ARB2A: variants seen among roughly 807,000 people sequenced by gnomAD.
ARB2A encodes the protein ARB2 cotranscriptional regulator A, also known as cotranscriptional regulator ARB2A.
chr5:93,774,592 T>A, the ARB2A span, among the ~76,000 whole-genome samples: 3 of 152,216 alleles, frequency 2.0e-5, no homozygotes, highest in Admixed American at 6.5e-5. Flanking sequence ...TATAGACTAT[T>A]TAGTGCCACA....
chr5:94,027,093 A>AT, the ARB2A span, among the ~76,000 whole-genome samples: 2 of 152,176 alleles, frequency 1.3e-5, no homozygotes, highest in East Asian at 1.9e-4. Flanking sequence ...GCATCAGCTT[A>AT]TTTGCACTGG....
the ARB2A span, among the ~76,000 whole-genome samples, chr5:94,025,101 T>C: frequency 2.6e-5 from 4 of 152,214 alleles, no homozygotes; most frequent in Non-Finnish European, 5.9e-5. Context: ...GTGTTAAGGT[T>C]CAGAAAGATA....
the ARB2A span, among the ~76,000 whole-genome samples, chr5:93,828,847 G>T: frequency 6.6e-6 from 1 of 152,066 alleles, no homozygotes; most frequent in Non-Finnish European, 1.5e-5. Context: ...CGCAATCTTG[G>T]CTCACTGCAA....
At chr5:93,627,438 G>GTTTGTTT in the ARB2A span, among the ~76,000 whole-genome samples, 1 of 108,076 alleles carries the variant, frequency 9.3e-6, no homozygotes, top group African/African-American at 4.0e-5. Flanking sequence ...TACAAAATGT[G>GTTTGTTT]TTTTGTTTTT....
the ARB2A span, among the ~76,000 whole-genome samples, chr5:93,843,410 A>C: frequency 6.6e-6 from 1 of 151,042 alleles, no homozygotes; most frequent in East Asian, 1.9e-4. Context: ...AAAGTAGAAC[A>C]AGGATACTTT....
At chr5:93,641,980 G>GTTTA in the ARB2A span, among the ~76,000 whole-genome samples, 6 of 152,010 alleles carry the variant, frequency 3.9e-5, no homozygotes, top group South Asian at 2.1e-4. Context: ...ATTGATGATT[G>GTTTA]TTTATTTATT....
At chr5:93,896,086 T>C in the ARB2A span, among the ~76,000 whole-genome samples, 1 of 152,078 alleles carries the variant, frequency 6.6e-6, no homozygotes, top group South Asian at 2.1e-4. Flanking sequence ...AATATATCAA[T>C]ACTATTCAAT....
chr5:93,961,465 A>C, the ARB2A span, among the ~76,000 whole-genome samples: 2 of 152,210 alleles, frequency 1.3e-5, no homozygotes, highest in African/African-American at 4.8e-5. Flanking sequence ...ATAAAGGACC[A>C]CTTGAGTCCA....
At chr5:93,965,396 C>A in the ARB2A span, among the ~76,000 whole-genome samples, 6 of 151,950 alleles carry the variant, frequency 3.9e-5, no homozygotes, top group African/African-American at 7.2e-5. Flanking sequence ...AACGAATTCT[C>A]CCCTAGATCC....
At chr5:93,868,341 G>A in the ARB2A span, among the ~76,000 whole-genome samples, 3 of 152,164 alleles carry the variant, frequency 2.0e-5, no homozygotes, top group Admixed American at 6.6e-5. Context: ...GAAAAGAAAT[G>A]AGATGAGTCT....
At chr5:94,091,835 T>A in the ARB2A span, among the ~76,000 whole-genome samples, 1 of 152,186 alleles carries the variant, frequency 6.6e-6, no homozygotes, top group African/African-American at 2.4e-5. Flanking sequence ...TTGACTGATA[T>A]TCTCCTATAC....
chr5:93,682,766 A>G, the ARB2A span: 2 of 812,926 alleles, frequency 2.5e-6, no homozygotes, highest in Non-Finnish European at 4.3e-6. Context: ...TAAAAAGGAC[A>G]GCCAGATATC....
At chr5:93,998,406 AGAT>A in the ARB2A span, among the ~76,000 whole-genome samples, 1 of 152,024 alleles carries the variant, frequency 6.6e-6, no homozygotes, top group South Asian at 2.1e-4. Flanking sequence ...GGAAATAAAA[AGAT>A]GTACAAATTT....
the ARB2A span, among the ~76,000 whole-genome samples, chr5:93,629,474 C>T: frequency 2.8e-4 from 42 of 152,056 alleles, no homozygotes; most frequent in African/African-American, 9.4e-4. Context: ...GTAAACAATG[C>T]AATATCTGCA....
the ARB2A span, among the ~76,000 whole-genome samples, chr5:93,709,001 A>G: frequency 1.3e-5 from 2 of 152,112 alleles, no homozygotes; most frequent in African/African-American, 4.8e-5. Flanking sequence ...TTTGCTAAGA[A>G]AGTAGATGGT....
the ARB2A span, among the ~76,000 whole-genome samples, chr5:93,772,005 A>T: frequency 9.2e-5 from 14 of 152,334 alleles, no homozygotes; most frequent in East Asian, 3.9e-4. Flanking sequence ...ACACATGCAC[A>T]CGTATGTTTA....
At chr5:93,704,978 G>A in the ARB2A span, among the ~76,000 whole-genome samples, 12 of 152,240 alleles carry the variant, frequency 7.9e-5, no homozygotes, top group South Asian at 1.0e-3. Flanking sequence ...CAATCCTCTC[G>A]TGTTGGAAAA....
chr5:93,908,515 A>G, the ARB2A span, among the ~76,000 whole-genome samples: 2 of 150,814 alleles, frequency 1.3e-5, no homozygotes, highest in Non-Finnish European at 3.0e-5. Flanking sequence ...ATTAGATAAT[A>G]CAATGAAGTC....
At chr5:93,828,558 T>A in the ARB2A span, among the ~76,000 whole-genome samples, 1 of 152,196 alleles carries the variant, frequency 6.6e-6, no homozygotes, top group Non-Finnish European at 1.5e-5. Flanking sequence ...GCCACCATCA[T>A]TTCACAAGTG....
Sources: gnomAD v4.1 joint callset for allele counts (sites outside exome capture counted in the v4.1 genomes callset) on GRCh38, gnomAD v4.1.1 for gene constraint, MANE v1.5 for transcripts, NCBI Gene and HGNC (gene_info 2026-07-23, HGNC 2026-07-21) for gene names.